FBN2: variants seen among roughly 807,000 people sequenced by gnomAD.
FBN2 encodes fibrillin 2, also known as fibrillin-2.
A neutral mutation model predicts 355.6 loss-of-function variants in FBN2; 105 were observed. The observed-to-expected ratio is 0.30, with a 90% CI of 0.25 to 0.35. The LOEUF (loss-of-function observed/expected upper bound fraction) is 0.35. Ranked by LOEUF, FBN2 falls within the 10% of genes least tolerant of loss-of-function variation. FBN2 has a pLI of 1.00. For synonymous variants in FBN2, 1,350 were observed against 1,301.2 expected (o/e 1.04, Z -0.81); for missense variants, 3,280 against 3,758.7 (o/e 0.87, Z 3.33).
chr5:128,270,567 T>C (rs1765243363), intron 62 of FBN2, among the ~76,000 whole-genome samples: 1 of 151,978 alleles, frequency 6.6e-6, no homozygotes, highest in Non-Finnish European at 1.5e-5. Context: ...GTCGGCAATA[T>C]CATCATTCAG....
At chr5:128,261,355 C>A (rs1764959410) in intron 64 of FBN2, among the ~76,000 whole-genome samples, 1 of 152,148 alleles carries the variant, frequency 6.6e-6, no homozygotes, top group Non-Finnish European at 1.5e-5. Context: ...CTTGGTTTCC[C>A]TAGTGAAAAT....
chr5:128,271,882 T>A (rs1765275797), intron 62 of FBN2, 117 bp downstream of exon 62: 1 of 1,215,204 alleles, frequency 8.2e-7, no homozygotes, highest in Admixed American at 1.7e-5. Context: ...AAGGACTGGG[T>A]TTAAAGTCTA....
At chr5:128,296,266 A>G (rs1749507201) in intron 48 of FBN2, among the ~76,000 whole-genome samples, 1 of 151,656 alleles carries the variant, frequency 6.6e-6, no homozygotes, top group East Asian at 1.9e-4. Flanking sequence ...TTTTTGCATC[A>G]ATGTTCATCA....
chr5:128,333,681 C>CGTGT (rs200082147), intron 31 of FBN2, among the ~76,000 whole-genome samples: 5 of 148,964 alleles, frequency 3.4e-5, no homozygotes, highest in South Asian at 4.3e-4. Context: ...TGTGTGTGTG[C>CGTGT]GTGTGTGTGT....
Position 128,527,309 on chromosome 5 carries a change from G to A in FBN2, c.532+563C>T, listed in dbSNP as rs1235989861. On this transcript the variant is annotated intron_variant, in intron 4 of 64. Coordinates refer to ENST00000262464, the MANE Select transcript of FBN2 (RefSeq NM_001999.4). ...TCATACAGGGTATTCTCCAGTGAAG[G>A]TACCAGTTTTGCTGGGTTACAGCTC... 2.6e-5 allele frequency among the ~76,000 whole-genome samples: 4 copies of A among 152,054 alleles called. 1 individual carries two copies. Among genetic ancestry groups the A allele is most frequent in the African/African-American group, 9.7e-5 (4 of 41,416 alleles).
chr5:128,478,460 T>A (rs1419074597), intron 5 of FBN2, among the ~76,000 whole-genome samples: 9 of 152,202 alleles, frequency 5.9e-5, no homozygotes, highest in Non-Finnish European at 1.2e-4. Flanking sequence ...AACTGTTTGA[T>A]CTGATTATGT....
intron 34 of FBN2, 41 bp downstream of exon 34, chr5:128,328,655 T>C (rs771514589): frequency 6.2e-7 from 1 of 1,611,790 alleles, no homozygotes; most frequent in East Asian, 2.2e-5. Context: ...TTTACTGTGG[T>C]TGATCCAACT....
chr5:128,500,485 C>T (rs1194672134), intron 5 of FBN2, among the ~76,000 whole-genome samples: 1 of 138,186 alleles, frequency 7.2e-6, no homozygotes, highest in Non-Finnish European at 1.5e-5. Flanking sequence ...CTCTTCCACC[C>T]AGGCCGGACT....
chr5:128,360,838 TA>T (rs935976281), intron 19 of FBN2, among the ~76,000 whole-genome samples: 8 of 149,610 alleles, frequency 5.3e-5, no homozygotes, highest in South Asian at 2.1e-4. Context: ...CTTTAACAGA[TA>T]AAAAAAAAGG....
At position 128,408,697 on chromosome 5, in the gene FBN2, G is replaced by A. The variant is rs863223548; in HGVS notation, c.1055C>T (p.Ser352Leu). 6.2e-7 allele frequency: 1 copy of A among 1,613,986 alleles called. No individual in the cohort carries two copies. ...ACCGATGCATCGAGAGCCATCTGTT[G>A]AGGTTACATATCCACGTGGACAAAC... is the stretch of plus-strand genomic sequence containing the variant. ...FCVCPRGYVT[S>L]TDGSRCIDQR... is the part of the protein sequence containing the mutation. The change falls in exon 8 of 65, where the codon TCA becomes TTA. Residue 352 changes from serine to leucine, a missense_variant. Coordinates refer to ENST00000262464, the MANE Select transcript of FBN2 (RefSeq NM_001999.4).
At chr5:128,409,224 G>A (rs577629844) in intron 7 of FBN2, among the ~76,000 whole-genome samples, 17 of 152,284 alleles carry the variant, frequency 1.1e-4, no homozygotes, top group African/African-American at 4.1e-4. Flanking sequence ...TTGAAGCAAT[G>A]AAGAGTGGCA....
At chr5:128,428,031 C>A (rs1397839224) in intron 7 of FBN2, among the ~76,000 whole-genome samples, 2 of 152,106 alleles carry the variant, frequency 1.3e-5, no homozygotes, top group Non-Finnish European at 2.9e-5. Context: ...AATTCTTTTC[C>A]TTTCCTACCC....
At chr5:128,313,530 C>T (rs138869125) in intron 36 of FBN2, among the ~76,000 whole-genome samples, 275 of 152,182 alleles carry the variant, frequency 1.8e-3, no homozygotes, top group Non-Finnish European at 2.9e-3. Context: ...AAAGGAAATT[C>T]ACTTTTTTTT....
In FBN2 at chr5:128,366,373, T is replaced by C; in HGVS notation, c.2302+4A>G. The C allele has an allele frequency of 6.4e-7, 1 of 1,564,540 alleles. No individual in the cohort carries two copies. Among genetic ancestry groups the C allele is most frequent in the Non-Finnish European group, 8.8e-7 (1 of 1,137,188 alleles). On this transcript the variant is annotated splice_donor_region_variant and intron_variant, in intron 17 of 64. Coordinates refer to ENST00000262464, the MANE Select transcript of FBN2 (RefSeq NM_001999.4). ...ATTATAAAGTTGAGATTAACTAGAG[T>C]TACCTCTTCCATCCACAGTGATACC...
chr5:128,471,710 A>C (rs191285186), intron 5 of FBN2, among the ~76,000 whole-genome samples: 2 of 152,286 alleles, frequency 1.3e-5, no homozygotes, highest in Non-Finnish European at 2.9e-5. Flanking sequence ...ACAATTTTAA[A>C]TAAATTATTG....
At chr5:128,382,589 A>C (rs1752261063) in intron 11 of FBN2, among the ~76,000 whole-genome samples, 1 of 151,998 alleles carries the variant, frequency 6.6e-6, no homozygotes, top group Admixed American at 6.6e-5. Flanking sequence ...AGACACCTAA[A>C]ACTCAGCATG....
At position 128,302,942 on chromosome 5, in the gene FBN2, G is replaced by C. The variant is rs1459161352; in HGVS notation, c.5917+31C>G. 7.0e-6 allele frequency: 8 copies of C among 1,139,974 alleles called. No homozygotes were observed. The East Asian group carries it at 1.9e-4, about 27-fold the overall frequency. 70.6% of individuals were successfully genotyped at this position (1,139,974 alleles called of 1,614,324 possible). A position where few individuals can be genotyped will look rare whatever the true frequency, so the allele number is the denominator to read the frequency against. ...CAGCACATTGTGTGGAAATGAAATA[G>C]AAGCAATAAAGGACTGAATGAAGTA... On this transcript the variant is annotated intron_variant, in intron 46 of 64. Transcript: ENST00000262464.
At chr5:128,277,116 T>C (rs1325632753) in intron 58 of FBN2, among the ~76,000 whole-genome samples, 1 of 152,248 alleles carries the variant, frequency 6.6e-6, no homozygotes, top group Non-Finnish European at 1.5e-5. Context: ...TTTCTTAACC[T>C]TTTAATGCCA....
chr5:128,317,344 G>A (rs758807900), intron 36 of FBN2, among the ~76,000 whole-genome samples: 2 of 152,120 alleles, frequency 1.3e-5, no homozygotes, highest in Non-Finnish European at 2.9e-5. Context: ...TTTACCAAAT[G>A]AATTATTTTG....
Sources: allele counts gnomAD v4.1 joint callset (sites outside exome capture counted in the v4.1 genomes callset), GRCh38; gene constraint gnomAD v4.1.1; transcripts MANE v1.5; gene names NCBI Gene and HGNC (gene_info 2026-07-23, HGNC 2026-07-21).